CCDC102B: variants seen among roughly 807,000 people sequenced by gnomAD.
The protein encoded by CCDC102B is coiled-coil domain containing 102B.
CCDC102B carries 75 observed loss-of-function variants against 57.4 expected under a neutral mutation model. That is an observed-to-expected ratio of 1.31 (90% CI 1.08 to 1.58). CCDC102B has a LOEUF of 1.58. Ranked by LOEUF, CCDC102B falls within the 40% of genes most tolerant of loss-of-function variation. The pLI, the probability that CCDC102B is intolerant of heterozygous loss-of-function variation, is 0.00. For missense variants in CCDC102B, 636 were observed against 582.6 expected (o/e 1.09, Z -0.94); for synonymous variants, 206 against 201.9 (o/e 1.02, Z -0.17).
intron 2 of CCDC102B, among the ~76,000 whole-genome samples, chr18:68,774,615 TTG>T (rs2034749349): frequency 6.6e-6 from 1 of 152,106 alleles, no homozygotes; most frequent in South Asian, 2.1e-4. Flanking sequence ...TGTCAAATTA[TTG>T]TGATTTAAAT....
intron 6 of CCDC102B, among the ~76,000 whole-genome samples, chr18:68,931,425 A>G (rs889623989): frequency 2.0e-5 from 3 of 151,732 alleles, no homozygotes; most frequent in African/African-American, 4.8e-5. Flanking sequence ...TCCATGTTGT[A>G]GTTTTGATTT....
At chr18:68,830,860 C>T (rs1405821874) in intron 1 of CCDC102B, among the ~76,000 whole-genome samples, 1 of 151,856 alleles carries the variant, frequency 6.6e-6, no homozygotes, top group Admixed American at 6.6e-5. Context: ...TAAATTTGTA[C>T]TTGGCAGGCG....
At chr18:68,817,023 C>T (rs1201074954) in intron 1 of CCDC102B, among the ~76,000 whole-genome samples, 2 of 152,196 alleles carry the variant, frequency 1.3e-5, no homozygotes, top group African/African-American at 4.8e-5. Context: ...GTTCAAGCCA[C>T]AGGAGTCCCA....
intron 5 of CCDC102B, among the ~76,000 whole-genome samples, chr18:68,883,228 G>A (rs2039755873): frequency 6.6e-6 from 1 of 152,006 alleles, no homozygotes; most frequent in Non-Finnish European, 1.5e-5. Context: ...AGACCATGGT[G>A]AAACCCAGTG....
intron 2 of CCDC102B, chr18:68,753,744 T>C (rs2033948313): frequency 6.6e-6 from 1 of 151,832 alleles, no homozygotes; most frequent in African/African-American, 2.4e-5. Context: ...AAAAAAAATG[T>C]AGGGATTGGG....
chr18:68,897,683 G>C, intron 6 of CCDC102B: 4 of 1,343,620 alleles, frequency 3.0e-6, no homozygotes, highest in Non-Finnish European at 4.0e-6. Flanking sequence ...GAAAAATGAA[G>C]TAAGAAATAG....
At chr18:68,786,750 A>G (rs1384808379) in intron 2 of CCDC102B, among the ~76,000 whole-genome samples, 2 of 148,000 alleles carry the variant, frequency 1.4e-5, no homozygotes, top group Non-Finnish European at 3.0e-5. Flanking sequence ...GGTTTTCTAG[A>G]TATACAATCA....
At chr18:68,992,861 C>A in intron 6 of CCDC102B, 1 of 166,468 alleles carries the variant, frequency 6.0e-6, no homozygotes, top group South Asian at 1.4e-4. Context: ...GTGAGAAGCC[C>A]TACGGCACAG....
chr18:68,992,709 C>G (rs1275453805), intron 6 of CCDC102B: 1 of 154,110 alleles, frequency 6.5e-6, no homozygotes. Context: ...CTGGGGAGTT[C>G]TGGGGCTCCG....
intron 2 of CCDC102B, among the ~76,000 whole-genome samples, chr18:68,726,171 G>A (rs1330463921): frequency 6.6e-6 from 1 of 152,182 alleles, no homozygotes; most frequent in Non-Finnish European, 1.5e-5. Context: ...GGTATAATTG[G>A]TATGGATAGA....
chr18:68,965,814 G>T (rs2050153550), intron 6 of CCDC102B, among the ~76,000 whole-genome samples: 1 of 151,968 alleles, frequency 6.6e-6, no homozygotes, highest in South Asian at 2.1e-4. Flanking sequence ...ATGAAATCTG[G>T]ATCATATTTA....
chr18:68,814,344 T>C (rs1403798956), intron 1 of CCDC102B, among the ~76,000 whole-genome samples: 10 of 152,154 alleles, frequency 6.6e-5, no homozygotes, highest in Admixed American at 6.5e-4. Context: ...ATTTATTCAA[T>C]TTAGAGCATC....
intron 2 of CCDC102B, among the ~76,000 whole-genome samples, chr18:68,765,373 GAAAGA>G (rs1278760748): frequency 5.0e-4 from 60 of 119,838 alleles, no homozygotes; most frequent in African/African-American, 1.3e-3. Context: ...AAGAAAGAAA[GAAAGA>G]AAAGAAAGAA....
intron 6 of CCDC102B, among the ~76,000 whole-genome samples, chr18:68,989,256 G>A (rs1157157713): frequency 6.6e-6 from 1 of 151,816 alleles, no homozygotes; most frequent in African/African-American, 2.4e-5. Context: ...TTTGAAAGAC[G>A]GGCACCTTTG....
At chr18:68,861,030 T>C (rs2038727603) in intron 4 of CCDC102B, among the ~76,000 whole-genome samples, 1 of 149,790 alleles carries the variant, frequency 6.7e-6, no homozygotes, top group Non-Finnish European at 1.5e-5. Context: ...ACTCTGTCAC[T>C]ATTAGCTGTC....
intron 6 of CCDC102B, among the ~76,000 whole-genome samples, chr18:68,977,614 G>T (rs1434784545): frequency 6.6e-6 from 1 of 151,074 alleles, no homozygotes; most frequent in East Asian, 1.9e-4. Context: ...TGATTTTATA[G>T]GTTTGTTGCA....
intron 7 of CCDC102B, among the ~76,000 whole-genome samples, chr18:69,021,683 A>G (rs1390972796): frequency 6.6e-6 from 1 of 152,154 alleles, no homozygotes; most frequent in Non-Finnish European, 1.5e-5. Flanking sequence ...CTCGACAGCT[A>G]TTTGGGATTA....
chr18:68,853,672 TAAAAAAAAAAAAA>T lies in CCDC102B; in HGVS notation c.936+7269_936+7281del, dbSNP rs71175201. 2.3e-4 allele frequency among the ~76,000 whole-genome samples: 22 copies of T among 94,656 alleles called. 1 individual carries two copies. The South Asian group carries it at 5.0e-3, about 22-fold the overall frequency. The allele number at this position is 94,656 out of a possible 152,430, so 62.1% of individuals were successfully genotyped here. Reference sequence around the variant, plus strand: ...CGAATTTTTCTTTATCCCCAAATTGTAAAAAAAAAAAAAAAAAAAAAAAAAAAAAATCTGACTC... The same window carrying T: ...CGAATTTTTCTTTATCCCCAAATTGTAAAAAAAAAAAAAAAAATCTGACTC... On this transcript the variant is annotated intron_variant, in intron 4 of 7. Transcript: ENST00000360242.
At chr18:68,855,813 T>C (rs67773297) in intron 4 of CCDC102B, among the ~76,000 whole-genome samples, 54,013 of 151,998 alleles carry the variant, frequency 0.36, 10,381 homozygotes, top group East Asian at 0.66. Context: ...ACATGATGTT[T>C]TTTTGAAAAC....
Sources: allele counts gnomAD v4.1 joint callset (sites outside exome capture counted in the v4.1 genomes callset), GRCh38; gene constraint gnomAD v4.1.1; transcripts MANE v1.5; gene names NCBI Gene and HGNC (gene_info 2026-07-23, HGNC 2026-07-21).